The following UGGT1 variants were observed in gnomAD, a reference collection of about 807,000 sequenced individuals.
UGGT1 encodes the protein UDP-glucose:glycoprotein glucosyltransferase 1.
Under a neutral mutation model 203.9 loss-of-function variants are expected in UGGT1, and 107 were observed. The ratio of observed to expected loss-of-function variants is 0.52; its 90% CI spans 0.45 to 0.62. The LOEUF (loss-of-function observed/expected upper bound fraction) is 0.62, where lower values mean the gene tolerates loss of function less well. UGGT1 is among the 20% of genes least tolerant of loss of function. The probability of loss-of-function intolerance (pLI) is 0.00; values close to 1 mark genes in which losing one functional copy is unlikely to be tolerated. For missense variants in UGGT1, 1,673 were observed against 1,867.2 expected, an observed-to-expected ratio of 0.90 and a Z score of 1.92; for synonymous variants, 628 against 653.5, an observed-to-expected ratio of 0.96 and a Z score of 0.59.
Position 128,172,700 on chromosome 2 carries a change from G to C in UGGT1, c.3232G>C (p.Glu1078Gln), listed in dbSNP as rs751086103. The C allele has an allele frequency of 3.1e-6, 5 of 1,613,976 alleles. No individual in the cohort carries two copies. The highest frequency in any genetic ancestry group is 2.7e-5 in the African/African-American group (2 of 74,902). ...PLFTLNLNTP[E>Q]SWMVESVRTP... ...GTTCACTCTGAATTTGAACACACCT[G>C]AGAGCTGGATGGTAGAATCTGTCAG... The change falls in exon 29 of 41, where the codon GAG becomes CAG. Residue 1078 changes from glutamate to glutamine, a missense_variant. Glu to Gln is a conservative substitution (Grantham distance 29, BLOSUM62 2). Transcript: ENST00000259253.
intron 37 of UGGT1, 98 bp from the exon 38 acceptor site, chr2:128,183,577 C>G: frequency 2.4e-6 from 2 of 825,916 alleles, no homozygotes; most frequent in Admixed American, 4.7e-5. Flanking sequence ...AAAGAAAAGC[C>G]AGAATATTTG....
intron 26 of UGGT1, among the ~76,000 whole-genome samples, chr2:128,168,360 C>T (rs1328249570): frequency 2.0e-5 from 3 of 152,180 alleles, no homozygotes; most frequent in African/African-American, 7.2e-5. Flanking sequence ...ATCGAAAGCA[C>T]CTACCTCAAC....
chr2:128,119,879 A>C (rs1328104718), intron 8 of UGGT1, among the ~76,000 whole-genome samples: 2 of 152,090 alleles, frequency 1.3e-5, no homozygotes, highest in Non-Finnish European at 2.9e-5. Flanking sequence ...AACAAAAAAT[A>C]AAACAGGTCA....
intron 22 of UGGT1, among the ~76,000 whole-genome samples, chr2:128,157,563 T>C (rs1451534118): frequency 2.0e-5 from 3 of 152,160 alleles, no homozygotes; most frequent in Non-Finnish European, 2.9e-5. Context: ...TAGATTCTTA[T>C]AGAGAAAAAA....
At chr2:128,153,285 A>G (rs1690066683) in intron 19 of UGGT1, among the ~76,000 whole-genome samples, 1 of 152,214 alleles carries the variant, frequency 6.6e-6, no homozygotes, top group Admixed American at 6.5e-5. Context: ...ATGTCAACAA[A>G]TATCTCAGTG....
intron 30 of UGGT1, among the ~76,000 whole-genome samples, chr2:128,174,395 T>A (rs990266090): frequency 1.2e-4 from 18 of 150,150 alleles, no homozygotes; most frequent in African/African-American, 4.2e-4. Context: ...GCCTCCCAGG[T>A]TCAAGCAATT....
chr2:128,126,378 TTAC>T (rs915957300), intron 11 of UGGT1, among the ~76,000 whole-genome samples: 4 of 151,272 alleles, frequency 2.6e-5, no homozygotes, highest in African/African-American at 7.3e-5. Context: ...GTAGCTAGAA[TTAC>T]AGGTACCTGC....
intron 17 of UGGT1, among the ~76,000 whole-genome samples, chr2:128,145,008 A>G (rs1388329373): frequency 6.6e-6 from 1 of 152,120 alleles, no homozygotes. Context: ...TCTTAGGTAC[A>G]TTTGCCGTTT....
Position 128,097,668 on chromosome 2 carries a change from T to G in UGGT1, c.194+104T>G. On this transcript the variant is annotated intron_variant, in intron 2 of 40. Transcript: ENST00000259253. The stretch of plus-strand genomic sequence containing the variant: ...AGGAGTGAGATTATCATCAAATGCA[T>G]TTATGAAGAGCCTCTTTCAGTGTAT... 2.1e-6 allele frequency: 3 copies of G among 1,406,534 alleles called. No homozygotes were observed. The South Asian group carries it at 3.9e-5, about 18-fold the overall frequency. The allele number at this position is 1,406,534 out of a possible 1,614,324, so 87.1% of individuals were successfully genotyped here.
chr2:128,122,174 A>C (rs968285226), intron 10 of UGGT1, among the ~76,000 whole-genome samples: 4 of 152,066 alleles, frequency 2.6e-5, no homozygotes, highest in African/African-American at 9.7e-5. Context: ...GGGTTTTGCC[A>C]TGTTGATCAG....
intron 38 of UGGT1, among the ~76,000 whole-genome samples, chr2:128,185,534 T>C (rs1691934250): frequency 6.8e-6 from 1 of 147,604 alleles, no homozygotes; most frequent in Non-Finnish European, 1.5e-5. Context: ...AGTGCAGTGA[T>C]GCGATCATGG....
chr2:128,150,329 G>A (rs1417460562), intron 18 of UGGT1, among the ~76,000 whole-genome samples: 3 of 152,170 alleles, frequency 2.0e-5, no homozygotes, highest in Admixed American at 6.6e-5. Flanking sequence ...GAGCTACTTC[G>A]GGAGACTAAG....
At chr2:128,133,368 CCCCACCCTTCA>C in intron 14 of UGGT1, 108 bp downstream of exon 14, 1 of 1,408,882 alleles carries the variant, frequency 7.1e-7, no homozygotes, top group South Asian at 1.2e-5. Flanking sequence ...CTGCTTCCTC[CCCCACCCTTCA>C]CCAAATACTC....
At chr2:128,171,424 A>T (rs1691096573) in intron 28 of UGGT1, 140 bp downstream of exon 28, 2 of 774,332 alleles carry the variant, frequency 2.6e-6, no homozygotes, top group Non-Finnish European at 4.1e-6. Flanking sequence ...AGTTTTGCCA[A>T]ATTTCATTCT....
At chr2:128,091,888 A>G (rs1212445911) in intron 1 of UGGT1, among the ~76,000 whole-genome samples, 1 of 152,148 alleles carries the variant, frequency 6.6e-6, no homozygotes, top group African/African-American at 2.4e-5. Flanking sequence ...AAATTGGATG[A>G]TATGGTTTCA....
In UGGT1 at chr2:128,091,270, T is replaced by A. The variant is rs1686843367; in HGVS notation, c.-88T>A. On this transcript the variant is annotated 5_prime_UTR_variant, in exon 1 of 41. Coordinates refer to ENST00000259253, the MANE Select transcript of UGGT1 (RefSeq NM_020120.4). ...GGAAAGGCGCGTGTCGGCCTCTCAC[T>A]GGCGCAGCCTGCACTGCCGCTGCCG... is the stretch of plus-strand genomic sequence containing the variant. 21 of 1,364,650 alleles carry A rather than the reference T, an allele frequency of 1.5e-5. No individual in the cohort carries two copies. In the South Asian group the frequency reaches 2.7e-4, roughly 18 times the overall value. The allele number at this position is 1,364,650 out of a possible 1,614,324, so 84.5% of individuals were successfully genotyped here.
At chr2:128,132,010 A>G (rs1200026990) in intron 13 of UGGT1, among the ~76,000 whole-genome samples, 1 of 152,124 alleles carries the variant, frequency 6.6e-6, no homozygotes, top group Non-Finnish European at 1.5e-5. Flanking sequence ...TTGTCCACAT[A>G]CCAGCATTGC....
intron 4 of UGGT1, among the ~76,000 whole-genome samples, chr2:128,109,223 A>G (rs188610184): frequency 3.9e-4 from 56 of 145,296 alleles, no homozygotes; most frequent in Admixed American, 1.0e-3. Flanking sequence ...TGTTTTTTTG[A>G]GACAGGGTCT....
intron 2 of UGGT1, among the ~76,000 whole-genome samples, chr2:128,099,887 T>C (rs1045951893): frequency 6.6e-6 from 1 of 152,166 alleles, no homozygotes; most frequent in African/African-American, 2.4e-5. Context: ...AAGCAGTGAC[T>C]GAAGATATTT....
Sources: allele counts gnomAD v4.1 joint callset (sites outside exome capture counted in the v4.1 genomes callset), GRCh38; gene constraint gnomAD v4.1.1; transcripts MANE v1.5; gene names NCBI Gene and HGNC (gene_info 2026-07-23, HGNC 2026-07-21).